CDH8: variants seen among roughly 807,000 people sequenced by gnomAD.
CDH8 encodes cadherin-8.
CDH8 carries 17 observed loss-of-function variants against 68.1 expected under a neutral mutation model. The observed-to-expected ratio is 0.25, with a 90% CI of 0.17 to 0.37. The LOEUF (loss-of-function observed/expected upper bound fraction) is 0.37. Among genes scored for constraint, CDH8 ranks in the 10% least tolerant of loss-of-function variants. The pLI is 1.00. For synonymous variants in CDH8, 372 were observed against 365.1 expected (o/e 1.02, Z -0.21); for missense variants, 763 against 999.3 (o/e 0.76, Z 3.19).
At chr16:61,693,167 A>G (rs780875269) in intron 10 of CDH8, 6 of 152,276 alleles carry the variant, frequency 3.9e-5, no homozygotes, top group African/African-American at 7.2e-5. Flanking sequence ...TTTAAAAAAT[A>G]GGGCTTACCG....
At chr16:61,753,694 GT>G (rs748995848) in intron 8 of CDH8, among the ~76,000 whole-genome samples, 4 of 152,064 alleles carry the variant, frequency 2.6e-5, no homozygotes, top group Non-Finnish European at 5.9e-5. Flanking sequence ...TCATAAGATA[GT>G]TTGGATTTTT....
In CDH8 at chr16:61,971,277, C is replaced by T. The variant is rs991403128; in HGVS notation, c.252+49875G>A. Among the ~76,000 whole-genome samples the T allele has an allele frequency of 1.1e-4, 16 of 152,222 alleles. No homozygotes were observed. The South Asian group carries it at 2.1e-3, about 20-fold the overall frequency. ...GTGTCTTCACACGGACGTGCATGAA[C>T]GCCCCCACTTCAGATGTCAGTCACA... On this transcript the variant is annotated intron_variant, in intron 2 of 11. Coordinates refer to ENST00000577390, the MANE Select transcript of CDH8 (RefSeq NM_001796.5).
chr16:61,647,524 T>C lies in CDH8; in HGVS notation c.*6084A>G. On this transcript the variant is annotated 3_prime_UTR_variant, in exon 12 of 12. Transcript: ENST00000577390. ...TGTCATGTTCCATCTTAGAGCATAATTGTTAAAATCTTCCTCTTATTTGTG... is the reference window on the plus strand; with the variant it reads ...TGTCATGTTCCATCTTAGAGCATAACTGTTAAAATCTTCCTCTTATTTGTG... 1 of 384,466 alleles carries C rather than the reference T, an allele frequency of 2.6e-6. No homozygotes were observed. Among genetic ancestry groups the C allele is most frequent in the South Asian group, 3.7e-5 (1 of 27,020 alleles). 23.8% of individuals were successfully genotyped at this position (384,466 alleles called of 1,614,324 possible).
intron 6 of CDH8, among the ~76,000 whole-genome samples, chr16:61,820,382 C>T (rs945744869): frequency 7.5e-6 from 1 of 132,520 alleles, no homozygotes; most frequent in Non-Finnish European, 1.5e-5. Flanking sequence ...ACTTGGGAAG[C>T]TTCAGTGTAT....
intron 8 of CDH8, among the ~76,000 whole-genome samples, chr16:61,785,028 C>G (rs1290371439): frequency 6.8e-6 from 1 of 147,874 alleles, no homozygotes; most frequent in Non-Finnish European, 1.5e-5. Context: ...ATTAAAAGAA[C>G]TAGAAAAGCA....
intron 10 of CDH8, among the ~76,000 whole-genome samples, chr16:61,697,822 T>C (rs1964356569): frequency 6.6e-6 from 1 of 152,104 alleles, no homozygotes; most frequent in South Asian, 2.1e-4. Flanking sequence ...TTCCACTCTG[T>C]AGAGAGAATG....
intron 2 of CDH8, among the ~76,000 whole-genome samples, chr16:61,994,432 G>A (rs935860226): frequency 6.6e-6 from 1 of 152,082 alleles, no homozygotes; most frequent in Non-Finnish European, 1.5e-5. Context: ...AATTTCCTTA[G>A]ACATGAGGAA....
chr16:61,937,035 A>AT (rs1167460191), intron 2 of CDH8, among the ~76,000 whole-genome samples: 2 of 152,186 alleles, frequency 1.3e-5, no homozygotes, highest in Admixed American at 6.6e-5. Flanking sequence ...AGAAATTAGT[A>AT]TTTTTTTAAA....
At chr16:61,737,772 T>C (rs980787436) in intron 8 of CDH8, among the ~76,000 whole-genome samples, 15 of 152,176 alleles carry the variant, frequency 9.9e-5, no homozygotes, top group Non-Finnish European at 2.2e-4. Flanking sequence ...CTTTCTCTGT[T>C]ATGGCAACTG....
At chr16:61,839,834 AGT>A (rs1962645231) in intron 4 of CDH8, among the ~76,000 whole-genome samples, 1 of 152,172 alleles carries the variant, frequency 6.6e-6, no homozygotes, top group Admixed American at 6.6e-5. Context: ...TGATGAGGCA[AGT>A]GTGAGCAACA....
intron 10 of CDH8, among the ~76,000 whole-genome samples, chr16:61,694,181 G>A (rs1251775140): frequency 6.6e-6 from 1 of 152,028 alleles, no homozygotes. Context: ...CTTGGCAAAG[G>A]GAAATCCTAG....
chr16:61,803,935 C>T (rs1726962421), intron 7 of CDH8, among the ~76,000 whole-genome samples: 2 of 129,976 alleles, frequency 1.5e-5, no homozygotes, highest in South Asian at 5.3e-4. Context: ...CAAGGATACC[C>T]AGGAATTGAA....
intron 9 of CDH8, among the ~76,000 whole-genome samples, chr16:61,724,310 C>T (rs1460604258): frequency 1.3e-5 from 2 of 150,740 alleles, no homozygotes; most frequent in African/African-American, 2.4e-5. Context: ...AAAGCGACCT[C>T]CCTCTTTTTC....
rs1055665410 is a variant in CDH8, at chr16:61,648,093, T to C, written c.*5515A>G. 3.9e-5 allele frequency: 18 copies of C among 463,648 alleles called. No homozygotes were observed. Among genetic ancestry groups the C allele is most frequent in the South Asian group, 5.8e-5 (2 of 34,334 alleles). 28.7% of individuals were successfully genotyped at this position (463,648 alleles called of 1,614,324 possible). A position where few individuals can be genotyped will look rare whatever the true frequency, so the allele number is the denominator to read the frequency against. Reference sequence around the variant, plus strand: ...CACATAAAGGAAGGAGGAGAATACATACAAAAACACTTACAACATTACAAC... The same window carrying C: ...CACATAAAGGAAGGAGGAGAATACACACAAAAACACTTACAACATTACAAC... On this transcript the variant is annotated 3_prime_UTR_variant, in exon 12 of 12. Transcript: ENST00000577390.
intron 9 of CDH8, among the ~76,000 whole-genome samples, chr16:61,721,545 G>T (rs1161040029): frequency 6.6e-6 from 1 of 150,696 alleles, no homozygotes; most frequent in African/African-American, 2.4e-5. Flanking sequence ...TTTATCTAGG[G>T]ATAATTACCT....
At chr16:61,664,992 TCGTTATCAA>T (rs1963637713) in intron 10 of CDH8, among the ~76,000 whole-genome samples, 1 of 152,030 alleles carries the variant, frequency 6.6e-6, no homozygotes, top group South Asian at 2.1e-4. Flanking sequence ...AAGGAAGTAT[TCGTTATCAA>T]CTAAATACGT....
At chr16:61,660,269 A>G (rs1011011882) in intron 10 of CDH8, among the ~76,000 whole-genome samples, 1 of 151,216 alleles carries the variant, frequency 6.6e-6, no homozygotes, top group Non-Finnish European at 1.5e-5. Flanking sequence ...AATATGACCC[A>G]CAGCAGAAAA....
chr16:61,830,253 A>G (rs1387087494), intron 4 of CDH8, among the ~76,000 whole-genome samples: 1 of 151,846 alleles, frequency 6.6e-6, no homozygotes, highest in Non-Finnish European at 1.5e-5. Flanking sequence ...TTTAAAAATC[A>G]TTGTTTGGTA....
intron 4 of CDH8, among the ~76,000 whole-genome samples, chr16:61,854,810 C>T (rs1343791120): frequency 6.6e-6 from 1 of 151,988 alleles, no homozygotes; most frequent in Non-Finnish European, 1.5e-5. Flanking sequence ...TTTTATCAGT[C>T]TCAATTCTTT....
Sources: gnomAD v4.1 joint callset for allele counts (sites outside exome capture counted in the v4.1 genomes callset) on GRCh38, gnomAD v4.1.1 for gene constraint, MANE v1.5 for transcripts, NCBI Gene and HGNC (gene_info 2026-07-23, HGNC 2026-07-21) for gene names.